Variants in ITGAV observed in about 807,000 individuals in gnomAD.
The protein encoded by ITGAV is integrin subunit alpha V.
Under a neutral mutation model 143.8 loss-of-function variants are expected in ITGAV, and 76 were observed. The ratio of observed to expected loss-of-function variants is 0.53; its 90% CI spans 0.44 to 0.64. The LOEUF (loss-of-function observed/expected upper bound fraction) is 0.64. Among genes scored for constraint, ITGAV ranks in the 30% least tolerant of loss-of-function variants. The probability of loss-of-function intolerance (pLI) is 0.00; values close to 1 mark genes in which losing one functional copy is unlikely to be tolerated. For synonymous variants in ITGAV, 453 were observed against 446.7 expected (o/e 1.01, Z -0.18); for missense variants, 1,193 against 1,274.7 (o/e 0.94, Z 0.98).
chr2:186,608,756 C>A (rs1687135746), intron 2 of ITGAV, among the ~76,000 whole-genome samples: 1 of 152,036 alleles, frequency 6.6e-6, no homozygotes, highest in South Asian at 2.1e-4. Flanking sequence ...TGTGTATGTT[C>A]CATGCAAGTT....
chr2:186,667,677 G>C lies in ITGAV; in HGVS notation c.2334G>C (p.Ser778=), dbSNP rs769497499. 1.3e-6 allele frequency: 2 copies of C among 1,589,234 alleles called. No homozygotes were observed. The highest frequency in any genetic ancestry group is 1.7e-6 in the Non-Finnish European group (2 of 1,159,490). ...TTCTTTGGTCATTGTTTAGAGTCTC[G>C]AGTCCTGATCATGTCTTTCTTCCGA... ...VLAAVEIRGV[S]SPDHVFLPIP... is the part of the protein sequence containing the mutation. The change falls in exon 24 of 30, where the codon TCG becomes TCC. Residue 778 remains serine, a synonymous_variant. Transcript: ENST00000261023.
At chr2:186,668,971 T>C (rs771475597) in intron 25 of ITGAV, 51 bp downstream of exon 25, 2 of 1,404,170 alleles carry the variant, frequency 1.4e-6, no homozygotes, top group Non-Finnish European at 1.9e-6. Flanking sequence ...CATTGCCTTC[T>C]TTCTAAACCT....
intron 4 of ITGAV, among the ~76,000 whole-genome samples, chr2:186,627,541 T>C (rs1161319397): frequency 6.6e-6 from 1 of 152,152 alleles, no homozygotes; most frequent in Non-Finnish European, 1.5e-5. Flanking sequence ...TTTTATTTGG[T>C]TTAGGCACAG....
In ITGAV at chr2:186,602,063, C is replaced by G; in HGVS notation, c.228C>G (p.Thr76=). 1 of 1,612,500 alleles carries G rather than the reference C, an allele frequency of 6.2e-7. No individual in the cohort carries two copies. The stretch of plus-strand genomic sequence containing the variant: ...TGGGAGCTCCCAAAGCAAACACCAC[C>G]CAGCCTGGGATTGTGGAAGGAGGGC... ...LLVGAPKANT[T]QPGIVEGGQV... is the part of the protein sequence containing the mutation. Residue 76 remains threonine (T), a synonymous_variant, in exon 2 of 30, where the codon ACC becomes ACG. Coordinates refer to ENST00000261023, the MANE Select transcript of ITGAV (RefSeq NM_002210.5).
chr2:186,616,144 G>T (rs1198989622), intron 2 of ITGAV, among the ~76,000 whole-genome samples: 1 of 151,578 alleles, frequency 6.6e-6, no homozygotes, highest in Admixed American at 6.6e-5. Flanking sequence ...AAAATGTACT[G>T]TTTATGTACT....
At chr2:186,637,211 G>A in intron 8 of ITGAV, 102 bp downstream of exon 8, 2 of 924,850 alleles carry the variant, frequency 2.2e-6, no homozygotes, top group Non-Finnish European at 1.8e-6. Flanking sequence ...GCTGGGTGCT[G>A]TGGCTGCAGC....
chr2:186,615,840 A>G (rs1046098843), intron 2 of ITGAV, among the ~76,000 whole-genome samples: 2 of 152,108 alleles, frequency 1.3e-5, no homozygotes, highest in Non-Finnish European at 2.9e-5. Flanking sequence ...CTCTTTTATC[A>G]TTATGCTTTT....
chr2:186,667,847 TA>T (rs934718012), intron 24 of ITGAV, 71 bp downstream of exon 24: 1,821 of 760,904 alleles, frequency 2.4e-3, no homozygotes, highest in South Asian at 3.9e-3. Flanking sequence ...TAAGCTACTT[TA>T]AAAAAAAAAT....
Position 186,667,175 on chromosome 2 carries a change from C to T in ITGAV, c.2272C>T (p.Pro758Ser). The T allele has an allele frequency of 6.2e-7, 1 of 1,611,480 alleles. No individual in the cohort carries two copies. ...CTCAAATCTATTTGACAAAGTAAGC[C>T]CAGTTGTATCTCACAAAGTTGATCT... ...QSSNLFDKVS[P>S]VVSHKVDLAV... Residue 758 changes from proline (P) to serine (S), a missense_variant, in exon 23 of 30, where the codon CCA (proline) becomes TCA (serine). Physicochemically the swap from Pro to Ser is moderately conservative, Grantham distance 74. Transcript: ENST00000261023.
intron 6 of ITGAV, 61 bp from the exon 7 acceptor site, chr2:186,636,021 T>A: frequency 1.4e-6 from 2 of 1,418,320 alleles, no homozygotes; most frequent in East Asian, 4.6e-5. Context: ...TACCATACAT[T>A]ATCTGTATCA....
intron 5 of ITGAV, among the ~76,000 whole-genome samples, chr2:186,631,505 GTTTA>G (rs1322246627): frequency 1.3e-5 from 2 of 151,984 alleles, no homozygotes; most frequent in African/African-American, 2.4e-5. Context: ...TCTTTTGTGT[GTTTA>G]TTTATTTTGG....
In ITGAV at chr2:186,641,385, G is replaced by C. The variant is rs772388098; in HGVS notation, c.957-1G>C. Reference sequence around the variant, plus strand: ...TTGGTGAGAAGTTTCTGTTCTTCTAGTTATGCAGATGTGTTTATTGGAGCA... The same window carrying C: ...TTGGTGAGAAGTTTCTGTTCTTCTACTTATGCAGATGTGTTTATTGGAGCA... On this transcript the variant is annotated splice_acceptor_variant, in intron 11 of 29. Transcript: ENST00000261023. LOFTEE classifies it high-confidence loss of function. 6.2e-7 allele frequency: 1 copy of C among 1,612,880 alleles called. No homozygotes were observed.
intron 13 of ITGAV, 124 bp from the exon 14 acceptor site, chr2:186,649,716 C>A: frequency 1.7e-6 from 1 of 576,184 alleles, no homozygotes; most frequent in Non-Finnish European, 2.9e-6. Context: ...TGATGTCTTA[C>A]AACCTCTTAA....
intron 13 of ITGAV, among the ~76,000 whole-genome samples, chr2:186,647,896 A>G (rs1393172499): frequency 1.3e-5 from 2 of 152,232 alleles, no homozygotes; most frequent in African/African-American, 2.4e-5. Flanking sequence ...GTGGATTCTC[A>G]TAAATTAGTA....
At chr2:186,676,708 G>A in intron 28 of ITGAV, 105 bp from the exon 29 acceptor site, 2 of 1,231,732 alleles carry the variant, frequency 1.6e-6, no homozygotes, top group Non-Finnish European at 2.2e-6. Flanking sequence ...TGCAGGAAAA[G>A]AATATACTGT....
Position 186,658,981 on chromosome 2 carries a change from T to C in ITGAV, c.1720-57T>C, listed in dbSNP as rs1574495959. 2.1e-6 allele frequency: 3 copies of C among 1,399,202 alleles called. No homozygotes were observed. In the East Asian group the frequency reaches 7.3e-5, roughly 34 times the overall value. The allele number at this position is 1,399,202 out of a possible 1,614,324, so 86.7% of individuals were successfully genotyped here. A position where few individuals can be genotyped will look rare whatever the true frequency, so the allele number is the denominator to read the frequency against. On this transcript the variant is annotated intron_variant, in intron 17 of 29. Coordinates refer to ENST00000261023, the MANE Select transcript of ITGAV (RefSeq NM_002210.5). ...TGGCTTTGTAATGTGCACTTATGGA[T>C]TTCTCCAGATAATTTAGGTTGACGT...
At chr2:186,644,954 T>C (rs1280464187) in intron 12 of ITGAV, among the ~76,000 whole-genome samples, 1 of 152,180 alleles carries the variant, frequency 6.6e-6, no homozygotes, top group Admixed American at 6.5e-5. Context: ...GCATGGCTTA[T>C]TAAGGAGCTA....
In ITGAV at chr2:186,651,977, G is replaced by T. The variant is rs758384680; in HGVS notation, c.1398-5G>T. Reference sequence around the variant, plus strand: ...TACTTCATCTTCTTTTCCCTCCCCCGCTAGGGCCAGACCAGTTATCACTGT... The same window carrying T: ...TACTTCATCTTCTTTTCCCTCCCCCTCTAGGGCCAGACCAGTTATCACTGT... On this transcript the variant is annotated splice_region_variant and splice_polypyrimidine_tract_variant and intron_variant, in intron 14 of 29. Coordinates refer to ENST00000261023, the MANE Select transcript of ITGAV (RefSeq NM_002210.5). 7.7e-6 allele frequency: 12 copies of T among 1,562,208 alleles called. No individual in the cohort carries two copies. The highest frequency in any genetic ancestry group is 1.8e-5 in the Admixed American group (1 of 54,366).
intron 17 of ITGAV, among the ~76,000 whole-genome samples, chr2:186,657,017 CACACACAG>C (rs765301248): frequency 0.045 from 4,292 of 96,124 alleles, 193 homozygotes; most frequent in East Asian, 0.12. Flanking sequence ...CACACACACA[CACACACAG>C]AAGCCACTAG....
Sources: gnomAD v4.1 joint callset for allele counts (sites outside exome capture counted in the v4.1 genomes callset) on GRCh38, gnomAD v4.1.1 for gene constraint, MANE v1.5 for transcripts, NCBI Gene and HGNC (gene_info 2026-07-23, HGNC 2026-07-21) for gene names.